The following NCOA6 variants were observed in gnomAD, a reference collection of about 807,000 sequenced individuals.
NCOA6 encodes the protein nuclear receptor coactivator 6, also known as NRC RAP250.
Under a neutral mutation model 171.4 loss-of-function variants are expected in NCOA6, and 49 were observed. The observed-to-expected ratio is 0.29, with a 90% confidence interval of 0.23 to 0.36. NCOA6 has a LOEUF of 0.36. Ranked by LOEUF, NCOA6 falls within the 10% of genes least tolerant of loss-of-function variation. The pLI, the probability that NCOA6 is intolerant of heterozygous loss-of-function variation, is 1.00. For missense variants in NCOA6, 2,248 were observed against 2,554.5 expected (o/e 0.88, Z 2.59); for synonymous variants, 910 against 927.5 (o/e 0.98, Z 0.34).
At position 34,741,480 on chromosome 20, in the gene NCOA6, C is replaced by T. The variant is rs964160985; in HGVS notation, c.4776G>A (p.Leu1592=). The part of the protein sequence containing the change: ...PVSSSSISTP[L]PPNQITVFVT... ...CAAATACAGTTATTTGATTTGGGGG[C>T]AAGGGAGTGGAAATGGAGGAAGAGC... The change falls in exon 11 of 15, where the codon TTG becomes TTA. Residue 1592 remains leucine (L), a synonymous_variant. Transcript: ENST00000359003. The T allele has an allele frequency of 6.2e-7, 1 of 1,614,058 alleles. No individual in the cohort carries two copies.
rs753342839 is a variant in NCOA6, at chr20:34,740,508, C to T, written c.5748G>A (p.Ser1916=). The part of the protein sequence containing the change: ...PGGALPTSVR[S]IVTTLVPSEL... Reference sequence around the variant, plus strand: ...CGGAGGGTACCAGAGTGGTTACTATCGAGCGTACACTGGTGGGGAGAGCAC... The same window carrying T: ...CGGAGGGTACCAGAGTGGTTACTATTGAGCGTACACTGGTGGGGAGAGCAC... Residue 1916 remains serine, a synonymous_variant, in exon 11 of 15, where the codon TCG becomes TCA. Coordinates refer to ENST00000359003, the MANE Select transcript of NCOA6 (RefSeq NM_014071.5). 59 of 1,614,064 alleles carry T rather than the reference C, an allele frequency of 3.7e-5. No individual in the cohort carries two copies. In the Middle Eastern group the frequency reaches 9.9e-4, roughly 27 times the overall value.
At chr20:34,720,535 C>T (rs1265332261) in intron 14 of NCOA6, among the ~76,000 whole-genome samples, 1 of 152,242 alleles carries the variant, frequency 6.6e-6, no homozygotes, top group Non-Finnish European at 1.5e-5. Flanking sequence ...TCCAACAATA[C>T]AAACAGCAAC....
chr20:34,808,337 T>C (rs950054491), intron 1 of NCOA6, among the ~76,000 whole-genome samples: 5 of 151,748 alleles, frequency 3.3e-5, no homozygotes, highest in Non-Finnish European at 5.9e-5. Flanking sequence ...TCCCTCTATT[T>C]ATAAATATTT....
Position 34,787,176 on chromosome 20 carries a change from C to T in NCOA6, c.-49-4772G>A, listed in dbSNP as rs531265596. ...TGCGCTTTCAGGTCTCCCCTGCCTC[C>T]AATCTTATTGTCCTCCAATCTGTCT... On this transcript the variant is annotated intron_variant, in intron 2 of 14. Coordinates refer to ENST00000359003, the MANE Select transcript of NCOA6 (RefSeq NM_014071.5). Among the ~76,000 whole-genome samples, 6 of 151,556 alleles carry T rather than the reference C, an allele frequency of 4.0e-5. No individual in the cohort carries two copies. The South Asian group carries it at 1.2e-3, about 32-fold the overall frequency.
Position 34,792,521 on chromosome 20 carries a change from G to T in NCOA6, c.-121C>A. On this transcript the variant is annotated 5_prime_UTR_variant, in exon 2 of 15. Transcript: ENST00000359003. Reference sequence around the variant, plus strand: ...AGTCCAAAGAAGCTGGCATTTTTAGGGCTTGGATTTCAAGGTAGCAGCCCA... The same window carrying T: ...AGTCCAAAGAAGCTGGCATTTTTAGTGCTTGGATTTCAAGGTAGCAGCCCA... 3 of 398,432 alleles carry T rather than the reference G, an allele frequency of 7.5e-6. No homozygotes were observed. The East Asian group carries it at 1.1e-4, about 14-fold the overall frequency. 24.7% of individuals were successfully genotyped at this position (398,432 alleles called of 1,614,324 possible). A position where few individuals can be genotyped will look rare whatever the true frequency, so the allele number is the denominator to read the frequency against.
intron 3 of NCOA6, among the ~76,000 whole-genome samples, chr20:34,777,431 A>G (rs2077364030): frequency 6.6e-6 from 1 of 152,032 alleles, no homozygotes; most frequent in African/African-American, 2.4e-5. Flanking sequence ...CCTGGCCAAC[A>G]TGGCAAAACC....
In NCOA6 at chr20:34,715,036, G is replaced by C. The variant is rs1204540352; in HGVS notation, c.*286C>G. On this transcript the variant is annotated 3_prime_UTR_variant, in exon 15 of 15. Coordinates refer to ENST00000359003, the MANE Select transcript of NCOA6 (RefSeq NM_014071.5). ...CTAAAAATGCTCACCCTGTACTCTA[G>C]GCTGCTTAGGAAATGTGAAAACTAG... 2.6e-6 allele frequency: 1 copy of C among 379,820 alleles called. No homozygotes were observed. Among genetic ancestry groups the C allele is most frequent in the African/African-American group, 2.1e-5 (1 of 47,938 alleles). The allele number at this position is 379,820 out of a possible 1,614,324, so 23.5% of individuals were successfully genotyped here.
At chr20:34,823,890 G>A (rs2079080077) in intron 1 of NCOA6, among the ~76,000 whole-genome samples, 1 of 152,104 alleles carries the variant, frequency 6.6e-6, no homozygotes, top group East Asian at 1.9e-4. Context: ...TTCTTTTGTA[G>A]AGATGGGGTC....
chr20:34,780,411 G>A (rs1053245595), intron 3 of NCOA6, among the ~76,000 whole-genome samples: 6 of 152,104 alleles, frequency 3.9e-5, no homozygotes, highest in Non-Finnish European at 5.9e-5. Context: ...AGGCTGGAGT[G>A]CAGTGGCATG....
In NCOA6 at chr20:34,757,881, T is replaced by C. The variant is rs1600879740; in HGVS notation, c.867A>G (p.Arg289=). ...GTTGCTGCTGATGTTGCTGTGGGGG[T>C]CTTGCCTGCAACTGTTGTTGCTGCT... is the stretch of plus-strand genomic sequence containing the variant. ...QQQQQQQLQA[R]PPQQHQQQQP... The change falls in exon 7 of 15, where the codon AGA becomes AGG. Residue 289 remains arginine (R), a synonymous_variant. Coordinates refer to ENST00000359003, the MANE Select transcript of NCOA6 (RefSeq NM_014071.5). 1 of 1,613,716 alleles carries C rather than the reference T, an allele frequency of 6.2e-7. No homozygotes were observed. Among genetic ancestry groups the C allele is most frequent in the African/African-American group, 1.3e-5 (1 of 74,772 alleles).
chr20:34,741,291 G>T lies in NCOA6; in HGVS notation c.4965C>A (p.Phe1655Leu). ...ATGAATTGATAAAGACAGGTGTAAT[G>T]AACTGAGGCCGGGCATTAGACTGAG... ...SAAQSNARPQ[F>L]ITPVFINSSS... Residue 1655 changes from phenylalanine (F) to leucine (L), a missense_variant, in exon 11 of 15, where the codon TTC becomes TTA. Phe to Leu is a conservative substitution (Grantham distance 22, BLOSUM62 0). Transcript: ENST00000359003. 1 of 1,614,204 alleles carries T rather than the reference G, an allele frequency of 6.2e-7. No individual in the cohort carries two copies. Among genetic ancestry groups the T allele is most frequent in the Non-Finnish European group, 8.5e-7 (1 of 1,180,050 alleles).
chr20:34,822,647 C>A (rs1166364797), intron 1 of NCOA6, among the ~76,000 whole-genome samples: 1 of 152,216 alleles, frequency 6.6e-6, no homozygotes, highest in Non-Finnish European at 1.5e-5. Flanking sequence ...GCCTTAAAAA[C>A]TTCTGAAGCT....
rs181270469 is a variant in NCOA6 at position 34,790,635 on chromosome 20, G to A, written c.-50+1815C>T. ...CTCCCAAAGTGCTGGGACCACAGGC[G>A]TGAGCCACCACGCCTGGCCTATTAT... On this transcript the variant is annotated intron_variant, in intron 2 of 14. Coordinates refer to ENST00000359003, the MANE Select transcript of NCOA6 (RefSeq NM_014071.5). Among the ~76,000 whole-genome samples the A allele has an allele frequency of 3.9e-5, 6 of 152,018 alleles. No homozygotes were observed. In the South Asian group the frequency reaches 8.3e-4, roughly 21 times the overall value.
intron 5 of NCOA6, among the ~76,000 whole-genome samples, chr20:34,763,011 T>C (rs2076863901): frequency 1.3e-5 from 2 of 152,234 alleles, no homozygotes; most frequent in Non-Finnish European, 2.9e-5. Flanking sequence ...TTGTAAATAA[T>C]ACGTCTTTTC....
At chr20:34,801,637 G>GA (rs1372090455) in intron 1 of NCOA6, among the ~76,000 whole-genome samples, 2 of 152,114 alleles carry the variant, frequency 1.3e-5, no homozygotes, top group African/African-American at 4.8e-5. Flanking sequence ...GATTAACCAT[G>GA]AAAAAATCCA....
intron 4 of NCOA6, 91 bp downstream of exon 4, chr20:34,776,202 A>G: frequency 1.4e-6 from 2 of 1,470,392 alleles, no homozygotes; most frequent in Non-Finnish European, 1.8e-6. Context: ...ACACAAGAGC[A>G]GAGGAACAGA....
At chr20:34,819,577 C>T (rs2078942344) in intron 1 of NCOA6, 1 of 152,140 alleles carries the variant, frequency 6.6e-6, no homozygotes, top group Non-Finnish European at 1.5e-5. Flanking sequence ...AACTAAGTAG[C>T]TCCTTGGAAG....
intron 7 of NCOA6, among the ~76,000 whole-genome samples, chr20:34,755,544 A>T (rs543015864): frequency 3.3e-5 from 5 of 152,302 alleles, no homozygotes; most frequent in African/African-American, 1.2e-4. Context: ...ATCTTTCTCA[A>T]GTATCAGTTC....
intron 1 of NCOA6, among the ~76,000 whole-genome samples, chr20:34,824,586 C>T (rs74973757): frequency 0.014 from 2,069 of 152,294 alleles, 42 homozygotes; most frequent in African/African-American, 0.048. Flanking sequence ...CTTTTAAAGA[C>T]ACACACAACT....
Sources: allele counts gnomAD v4.1 joint callset (sites outside exome capture counted in the v4.1 genomes callset), GRCh38; gene constraint gnomAD v4.1.1; transcripts MANE v1.5; gene names NCBI Gene and HGNC (gene_info 2026-07-23, HGNC 2026-07-21).